Variants in NUP98 observed in about 807,000 individuals in gnomAD.
NUP98 encodes the protein nuclear pore complex protein Nup98-Nup96.
A neutral mutation model predicts 191.9 loss-of-function variants in NUP98; 26 were observed. That is an observed-to-expected ratio of 0.14 (90% CI 0.10 to 0.19). The LOEUF is 0.19. NUP98 is among the 10% of genes least tolerant of loss of function. NUP98 has a pLI of 1.00. For synonymous variants in NUP98, 808 were observed against 778.4 expected, an observed-to-expected ratio of 1.04 and a Z score of -0.63; for missense variants, 1,941 against 2,178.8, an observed-to-expected ratio of 0.89 and a Z score of 2.17.
rs779753309 is a variant in NUP98, at chr11:3,723,190, T to G, written c.2113A>C (p.Ile705Leu). The G allele has an allele frequency of 1.2e-6, 2 of 1,614,056 alleles. No homozygotes were observed. The highest frequency in any genetic ancestry group is 1.7e-6 in the Non-Finnish European group (2 of 1,180,008). The change falls in exon 16 of 33, where the codon ATA becomes CTA. Residue 705 changes from isoleucine to leucine, a missense_variant. Transcript: ENST00000324932. ...TGCATATGGTAAGAATTATTTTCTA[T>G]TTCTTCTCGGTCATCCTGAAGTGAC... ...DESLQDDREE[I>L]ENNSYHMHPA...
chr11:3,787,502 G>C (rs375897625), intron 1 of NUP98, among the ~76,000 whole-genome samples: 8 of 152,238 alleles, frequency 5.3e-5, no homozygotes, highest in African/African-American at 1.7e-4. Flanking sequence ...AGAGTCGCTC[G>C]AACCCGGAAG....
chr11:3,700,269 A>AAAC (rs2078636517), intron 24 of NUP98, among the ~76,000 whole-genome samples: 1 of 39,974 alleles, frequency 2.5e-5, no homozygotes, highest in African/African-American at 1.2e-4. Flanking sequence ...ACTCCGTCTC[A>AAAC]AAAAAAAAAA....
intron 18 of NUP98, 112 bp from the exon 19 acceptor site, chr11:3,714,107 G>T: frequency 9.3e-7 from 1 of 1,075,986 alleles, no homozygotes; most frequent in Non-Finnish European, 1.4e-6. Context: ...TGCTGCCTTG[G>T]AATTATTCTG....
At chr11:3,702,324 CTCTCTCTCTCTCTCTCTCTCTCT>C in intron 23 of NUP98, 116 bp downstream of exon 23, 1 of 152,442 alleles carries the variant, frequency 6.6e-6, no homozygotes, top group Non-Finnish European at 1.1e-5. Flanking sequence ...CTCTCTCTCT[CTCTCTCTCTCTCTCTCTCTCTCT>C]CTCTCTCTCT....
chr11:3,709,880 G>C (rs1036312404), intron 20 of NUP98, among the ~76,000 whole-genome samples: 2 of 145,516 alleles, frequency 1.4e-5, no homozygotes, highest in African/African-American at 5.1e-5. Context: ...GCTAAATGAC[G>C]AGTTAATGGG....
chr11:3,793,475 T>C (rs551962949), intron 1 of NUP98, among the ~76,000 whole-genome samples: 1 of 151,936 alleles, frequency 6.6e-6, no homozygotes, highest in East Asian at 2.0e-4. Context: ...TTTAGTAGAT[T>C]CAGGGTTTCA....
intron 30 of NUP98, among the ~76,000 whole-genome samples, chr11:3,682,642 G>A (rs2134014314): frequency 6.6e-6 from 1 of 152,270 alleles, no homozygotes; most frequent in African/African-American, 2.4e-5. Context: ...ATCAAAGATT[G>A]CTACTCACAG....
At chr11:3,680,809 A>G (rs1364958976) in intron 30 of NUP98, among the ~76,000 whole-genome samples, 5 of 152,082 alleles carry the variant, frequency 3.3e-5, no homozygotes, top group Non-Finnish European at 5.9e-5. Flanking sequence ...TGGCCCCCCA[A>G]AGTGCTGGGA....
chr11:3,709,602 G>A (rs2078970586), intron 20 of NUP98, among the ~76,000 whole-genome samples: 1 of 151,560 alleles, frequency 6.6e-6, no homozygotes, highest in Non-Finnish European at 1.5e-5. Flanking sequence ...TTACTTGGGA[G>A]GTTGAGGTGG....
chr11:3,760,522 C>A lies in NUP98; in HGVS notation c.1174+17G>T. The stretch of plus-strand genomic sequence containing the variant: ...AAGTGTTTGTATTGGTTCCTAAAGT[C>A]AGGGTTGGTTTGTTACCAAAGAGCC... On this transcript the variant is annotated intron_variant, in intron 10 of 32. Coordinates refer to ENST00000324932, the MANE Select transcript of NUP98 (RefSeq NM_016320.5). The A allele has an allele frequency of 6.2e-7, 1 of 1,614,088 alleles. No homozygotes were observed. The highest frequency in any genetic ancestry group is 1.1e-5 in the South Asian group (1 of 91,068).
At chr11:3,704,147 T>A (rs765562136) in intron 22 of NUP98, among the ~76,000 whole-genome samples, 17 of 152,242 alleles carry the variant, frequency 1.1e-4, no homozygotes, top group Non-Finnish European at 1.6e-4. Context: ...GTTAATATAT[T>A]TTCTTTCTTT....
chr11:3,705,302 G>C lies in NUP98; in HGVS notation c.2980C>G (p.Gln994Glu). Reference sequence around the variant, plus strand: ...TTGGAAGGCAGGCGACTGAAGCGTTGATCCAGTGCCATATCTACATCTTCT... The same window carrying C: ...TTGGAAGGCAGGCGACTGAAGCGTTCATCCAGTGCCATATCTACATCTTCT... ...DEEDVDMALDQRFSRLPSKAD... is the reference protein window; with the variant it reads ...DEEDVDMALDERFSRLPSKAD... The change falls in exon 22 of 33, where the codon CAA becomes GAA. Residue 994 changes from glutamine to glutamate, a missense_variant. By Grantham distance (29) the Gln-to-Glu change is conservative (BLOSUM62 2). This residue lies in a region of NUP98 where 1,030 missense variants were observed against 1,115.8 expected (regional missense o/e 0.92). Transcript: ENST00000324932. The C allele has an allele frequency of 6.2e-7, 1 of 1,614,140 alleles. No individual in the cohort carries two copies. The highest frequency in any genetic ancestry group is 8.5e-7 in the Non-Finnish European group (1 of 1,180,004).
chr11:3,778,386 A>C (rs1257340963), intron 4 of NUP98, among the ~76,000 whole-genome samples: 2 of 152,166 alleles, frequency 1.3e-5, no homozygotes, highest in Non-Finnish European at 2.9e-5. Context: ...AAGTGAAAAA[A>C]GTCATCAACT....
chr11:3,711,658 G>C (rs2079025791), intron 20 of NUP98: 1 of 189,732 alleles, frequency 5.3e-6, no homozygotes, highest in Admixed American at 6.3e-5. Context: ...AATGAATATG[G>C]ATAACTGGAA....
At chr11:3,780,630 A>T (rs1426045991) in intron 2 of NUP98, among the ~76,000 whole-genome samples, 2 of 151,608 alleles carry the variant, frequency 1.3e-5, no homozygotes, top group African/African-American at 2.4e-5. Flanking sequence ...GAGGTTTGTT[A>T]GTCATGCTTC....
intron 27 of NUP98, among the ~76,000 whole-genome samples, chr11:3,692,355 C>T (rs908662901): frequency 6.6e-6 from 1 of 150,910 alleles, no homozygotes; most frequent in African/African-American, 2.4e-5. Flanking sequence ...CACCTGGGCA[C>T]GGTGGCTCAT....
chr11:3,792,651 G>A (rs1303652341), intron 1 of NUP98, among the ~76,000 whole-genome samples: 5 of 151,970 alleles, frequency 3.3e-5, no homozygotes, highest in African/African-American at 1.2e-4. Context: ...AACAAAAAAA[G>A]AAGATCTGCA....
At chr11:3,790,481 G>A (rs2082299467) in intron 1 of NUP98, among the ~76,000 whole-genome samples, 2 of 152,048 alleles carry the variant, frequency 1.3e-5, no homozygotes, top group African/African-American at 2.4e-5. Flanking sequence ...TTCTTCCAGG[G>A]GTTCAATGAA....
Position 3,679,548 on chromosome 11 carries a change from A to G in NUP98, c.5073+6T>C, listed in dbSNP as rs2077924319. 6 of 1,613,984 alleles carry G rather than the reference A, an allele frequency of 3.7e-6. No individual in the cohort carries two copies. The Admixed American group carries it at 6.7e-5, about 18-fold the overall frequency. ...AATCAGGCAGCAGTTTCAGGATCTC[A>G]GGTACCTGCTGTATATGGCGGAGCA... is the stretch of plus-strand genomic sequence containing the variant. On this transcript the variant is annotated splice_donor_region_variant and intron_variant, in intron 31 of 32. Transcript: ENST00000324932.
Sources: allele counts gnomAD v4.1 joint callset (sites outside exome capture counted in the v4.1 genomes callset), GRCh38; gene constraint gnomAD v4.1.1; regional missense constraint gnomAD v4.1.1; transcripts MANE v1.5; gene names NCBI Gene and HGNC (gene_info 2026-07-23, HGNC 2026-07-21).